ATP6V1C1: variants seen among roughly 807,000 people sequenced by gnomAD.
The protein encoded by ATP6V1C1 is ATPase H+ transporting V1 subunit C1, also known as V-type proton ATPase subunit C 1.
Under a neutral mutation model 53.9 loss-of-function variants are expected in ATP6V1C1, and 45 were observed. That is an observed-to-expected ratio of 0.83 (90% confidence interval 0.66 to 1.07). The LOEUF (loss-of-function observed/expected upper bound fraction) is 1.07, where lower values mean the gene tolerates loss of function less well. ATP6V1C1 is among the 50% of genes least tolerant of loss of function. The pLI is 0.00. For synonymous variants in ATP6V1C1, 153 were observed against 155.2 expected, an observed-to-expected ratio of 0.99 and a Z score of 0.11; for missense variants, 315 against 440.3, an observed-to-expected ratio of 0.72 and a Z score of 2.55.
chr8:103,031,127 G>A (rs1204721241), intron 1 of ATP6V1C1, among the ~76,000 whole-genome samples: 1 of 152,178 alleles, frequency 6.6e-6, no homozygotes, highest in Admixed American at 6.5e-5. Context: ...AATATGCTCA[G>A]TGTTTTAACA....
intron 3 of ATP6V1C1, among the ~76,000 whole-genome samples, chr8:103,044,856 A>G (rs904343219): frequency 1.3e-5 from 2 of 152,138 alleles, no homozygotes; most frequent in African/African-American, 2.4e-5. Flanking sequence ...ATCCATGAAC[A>G]TCGGATGTTA....
At chr8:103,031,208 TAAG>T (rs1171227159) in intron 1 of ATP6V1C1, among the ~76,000 whole-genome samples, 19 of 152,056 alleles carry the variant, frequency 1.2e-4, no homozygotes, top group Admixed American at 1.2e-3. Context: ...GAAAAATACA[TAAG>T]AAGTGAAATA....
intron 4 of ATP6V1C1, among the ~76,000 whole-genome samples, chr8:103,049,801 A>G (rs1817169114): frequency 6.6e-6 from 1 of 152,096 alleles, no homozygotes; most frequent in Non-Finnish European, 1.5e-5. Flanking sequence ...AAAGAAAAAG[A>G]AAAAAGTTAC....
chr8:103,047,454 A>G lies in ATP6V1C1; in HGVS notation c.201-1416A>G, dbSNP rs533492118. ...CGCACACACACACACACACACACACACACACACACATTTTTTTTTTAAGGA... is the reference window on the plus strand; with the variant it reads ...CGCACACACACACACACACACACACGCACACACACATTTTTTTTTTAAGGA... On this transcript the variant is annotated intron_variant, in intron 3 of 12. Coordinates refer to ENST00000518738, the MANE Select transcript of ATP6V1C1 (RefSeq NM_001695.5). Among the ~76,000 whole-genome samples the G allele has an allele frequency of 3.1e-3, 368 of 120,450 alleles. 1 individual carries two copies. The highest frequency in any genetic ancestry group is 9.9e-3 in the African/African-American group (335 of 33,932). 79.0% of individuals were successfully genotyped at this position (120,450 alleles called of 152,430 possible). A position where few individuals can be genotyped will look rare whatever the true frequency, so the allele number is the denominator to read the frequency against.
rs1455534897 is a variant in ATP6V1C1, at chr8:103,066,316, G to C, written c.927-5G>C. 6.3e-7 allele frequency: 1 copy of C among 1,595,386 alleles called. No homozygotes were observed. On this transcript the variant is annotated splice_region_variant and splice_polypyrimidine_tract_variant and intron_variant, in intron 11 of 12. Transcript: ENST00000518738. ...TTGCGTACTGTATTTCTGCTTTTTT[G>C]TAAGGTATGGCTTGCCAGTGAACTT...
At chr8:103,063,299 T>A in intron 10 of ATP6V1C1, 71 bp downstream of exon 10, 1 of 990,156 alleles carries the variant, frequency 1.0e-6, no homozygotes, top group Non-Finnish European at 1.5e-6. Flanking sequence ...TCCTTTGATT[T>A]AAAAGAAAGT....
chr8:103,056,918 T>C (rs532546069), intron 8 of ATP6V1C1, among the ~76,000 whole-genome samples: 1 of 152,142 alleles, frequency 6.6e-6, no homozygotes, highest in Non-Finnish European at 1.5e-5. Context: ...GAAAGAGTCC[T>C]GGACTCAGGG....
chr8:103,059,743 C>T (rs1002807553), intron 8 of ATP6V1C1, among the ~76,000 whole-genome samples: 4 of 151,880 alleles, frequency 2.6e-5, no homozygotes, highest in African/African-American at 9.7e-5. Context: ...GTAATTGACC[C>T]TAGCTGGTCT....
At chr8:103,063,345 G>GTTT in intron 10 of ATP6V1C1, 117 bp downstream of exon 10, 1 of 511,742 alleles carries the variant, frequency 2.0e-6, no homozygotes, top group Non-Finnish European at 3.2e-6. Flanking sequence ...TTTGATTTTA[G>GTTT]TTTTTTTTTT....
At chr8:103,065,724 T>TG (rs2131405260) in intron 11 of ATP6V1C1, among the ~76,000 whole-genome samples, 1 of 152,286 alleles carries the variant, frequency 6.6e-6, no homozygotes, top group Non-Finnish European at 1.5e-5. Flanking sequence ...TCTTATTTCC[T>TG]GAGGATATTC....
At chr8:103,023,284 T>G (rs56161400) in intron 1 of ATP6V1C1, among the ~76,000 whole-genome samples, 4,851 of 149,454 alleles carry the variant, frequency 0.032, 264 homozygotes, top group African/African-American at 0.11. Context: ...TTGTGGCTTT[T>G]TTTTTTTTTT....
intron 8 of ATP6V1C1, among the ~76,000 whole-genome samples, chr8:103,056,482 A>C (rs947380235): frequency 6.6e-6 from 1 of 152,212 alleles, no homozygotes; most frequent in East Asian, 1.9e-4. Context: ...TTTAACATGC[A>C]TTGTCTAATT....
intron 1 of ATP6V1C1, among the ~76,000 whole-genome samples, chr8:103,035,072 A>T (rs1231736534): frequency 6.6e-6 from 1 of 152,190 alleles, no homozygotes; most frequent in Non-Finnish European, 1.5e-5. Context: ...GACGAGGGGT[A>T]GAAGAACTGA....
intron 1 of ATP6V1C1, among the ~76,000 whole-genome samples, chr8:103,032,779 A>G (rs571724166): frequency 3.3e-5 from 5 of 152,270 alleles, no homozygotes; most frequent in South Asian, 2.1e-4. Context: ...CACCTGGCCA[A>G]TTTCTTATAA....
intron 8 of ATP6V1C1, among the ~76,000 whole-genome samples, chr8:103,060,143 T>A (rs1817372130): frequency 6.6e-6 from 1 of 151,884 alleles, no homozygotes; most frequent in South Asian, 2.1e-4. Flanking sequence ...GATTTTTGTA[T>A]TTTTAGTAGA....
At chr8:103,021,436 A>G (rs1050529899) in intron 1 of ATP6V1C1, 1 of 152,278 alleles carries the variant, frequency 6.6e-6, no homozygotes, top group Admixed American at 6.5e-5. Context: ...GGAGGGAAAA[A>G]GAGAAAGAGC....
Position 103,053,645 on chromosome 8 carries a change from A to G in ATP6V1C1, c.474-239A>G, listed in dbSNP as rs146082127. The stretch of plus-strand genomic sequence containing the variant: ...ATGTAGGCAAGAGAAGAGCTGAGTT[A>G]TAATAATTAAAGCAAACACAAAACA... On this transcript the variant is annotated intron_variant, in intron 6 of 12. Coordinates refer to ENST00000518738, the MANE Select transcript of ATP6V1C1 (RefSeq NM_001695.5). Among the ~76,000 whole-genome samples the G allele has an allele frequency of 5.0e-3, 759 of 152,144 alleles. 6 individuals carry two copies. Among genetic ancestry groups the G allele is most frequent in the African/African-American group, 0.017 (715 of 41,564 alleles).
At chr8:103,023,720 T>C (rs1816640352) in intron 1 of ATP6V1C1, among the ~76,000 whole-genome samples, 1 of 152,222 alleles carries the variant, frequency 6.6e-6, no homozygotes, top group Admixed American at 6.5e-5. Flanking sequence ...ATTCATTGTA[T>C]AGATGGGAAC....
rs200373012 is a variant in ATP6V1C1 at position 103,064,786 on chromosome 8, C to T, written c.901C>T (p.Arg301Trp). 6.2e-6 allele frequency: 10 copies of T among 1,612,670 alleles called. No homozygotes were observed. The highest frequency in any genetic ancestry group is 1.1e-5 in the South Asian group (1 of 90,858). ...FIAWIHVKAL[R>W]VFVESVLRYG... ...TGCATGGATTCACGTGAAAGCATTA[C>T]GGGTTTTCGTTGAGTCTGTTTTAAG... is the stretch of plus-strand genomic sequence containing the variant. The change falls in exon 11 of 13, where the codon CGG (arginine) becomes TGG (tryptophan). Residue 301 changes from arginine to tryptophan, a missense_variant. Coordinates refer to ENST00000518738, the MANE Select transcript of ATP6V1C1 (RefSeq NM_001695.5).
Sources: allele counts gnomAD v4.1 joint callset (sites outside exome capture counted in the v4.1 genomes callset), GRCh38; gene constraint gnomAD v4.1.1; transcripts MANE v1.5; gene names NCBI Gene and HGNC (gene_info 2026-07-23, HGNC 2026-07-21).